The following MARCHF4 variants were observed in gnomAD, a reference collection of about 807,000 sequenced individuals.
The protein encoded by MARCHF4 is E3 ubiquitin-protein ligase MARCHF4.
A neutral mutation model predicts 43.9 loss-of-function variants in MARCHF4; 14 were observed. The observed-to-expected ratio is 0.32, with a 90% CI of 0.21 to 0.50. The LOEUF (loss-of-function observed/expected upper bound fraction) is 0.50, where lower values mean the gene tolerates loss of function less well. Ranked by LOEUF, MARCHF4 falls within the 20% of genes least tolerant of loss-of-function variation. MARCHF4 has a pLI of 0.98. For synonymous variants in MARCHF4, 226 were observed against 213.3 expected (o/e 1.06, Z -0.52); for missense variants, 468 against 536.7 (o/e 0.87, Z 1.27).
At chr2:216,285,995 G>C (rs1209518438) in intron 1 of MARCHF4, among the ~76,000 whole-genome samples, 2 of 152,166 alleles carry the variant, frequency 1.3e-5, no homozygotes, top group Admixed American at 1.3e-4. Flanking sequence ...TGCTGCCTGG[G>C]GCACAGCTGA....
intron 1 of MARCHF4, among the ~76,000 whole-genome samples, chr2:216,358,691 A>T (rs1412572765): frequency 6.6e-6 from 1 of 152,108 alleles, no homozygotes; most frequent in Non-Finnish European, 1.5e-5. Context: ...ACCTTTATTG[A>T]GGTAGAGACT....
At chr2:216,364,032 C>A (rs919201913) in intron 1 of MARCHF4, among the ~76,000 whole-genome samples, 1 of 152,096 alleles carries the variant, frequency 6.6e-6, no homozygotes, top group Non-Finnish European at 1.5e-5. Context: ...AGTCTCCAGT[C>A]CCCATAAGAT....
chr2:216,364,273 G>A (rs950186860), intron 1 of MARCHF4, among the ~76,000 whole-genome samples: 1 of 151,990 alleles, frequency 6.6e-6, no homozygotes. Flanking sequence ...GAGCTCCAGA[G>A]GTTGTCCTTT....
At chr2:216,325,644 GA>G (rs1261212297) in intron 1 of MARCHF4, among the ~76,000 whole-genome samples, 1 of 152,150 alleles carries the variant, frequency 6.6e-6, no homozygotes, top group African/African-American at 2.4e-5. Flanking sequence ...AGAGCCCTCA[GA>G]AATAACGCCA....
At position 216,277,823 on chromosome 2, in the gene MARCHF4, A is replaced by T. The variant is rs1483437353; in HGVS notation, c.714T>A (p.Val238=). 6.2e-7 allele frequency: 1 copy of T among 1,613,916 alleles called. No individual in the cohort carries two copies. Among genetic ancestry groups the T allele is most frequent in the Admixed American group, 1.7e-5 (1 of 60,028 alleles). The part of the protein sequence containing the change: ...ISLTVIEKVQ[V]AAAILGSLFL... Reference sequence around the variant, plus strand: ...AGAGGGAGCCCAGGATGGCGGCTGCAACCTGAACCTTCTCAATGACCGTCA... The same window carrying T: ...AGAGGGAGCCCAGGATGGCGGCTGCTACCTGAACCTTCTCAATGACCGTCA... Residue 238 remains valine (V), a synonymous_variant, in exon 3 of 4, where the codon GTT becomes GTA. Transcript: ENST00000273067.
intron 1 of MARCHF4, among the ~76,000 whole-genome samples, chr2:216,316,392 C>T: frequency 6.6e-6 from 1 of 152,122 alleles, no homozygotes; most frequent in East Asian, 1.9e-4. Context: ...CCCTCTTGAA[C>T]ATGTGGGAAA....
rs1692742961 is a variant in MARCHF4 at position 216,370,521 on chromosome 2, T to G, written c.-261A>C. On this transcript the variant is annotated 5_prime_UTR_variant, in exon 1 of 4. Transcript: ENST00000273067. ...TCACACACCCACCCCAACCTCCAAC[T>G]TTGTTCAGTGTGTCTCCTTTCTGCT... 5.1e-6 allele frequency: 2 copies of G among 395,182 alleles called. No individual in the cohort carries two copies. The highest frequency in any genetic ancestry group is 9.0e-6 in the Non-Finnish European group (2 of 221,418). The allele number at this position is 395,182 out of a possible 1,614,324, so 24.5% of individuals were successfully genotyped here.
At chr2:216,363,197 A>G (rs190308994) in intron 1 of MARCHF4, among the ~76,000 whole-genome samples, 2 of 152,224 alleles carry the variant, frequency 1.3e-5, no homozygotes, top group African/African-American at 2.4e-5. Context: ...AACTTTCTCA[A>G]TGGGGGCCTC....
At position 216,284,352 on chromosome 2, in the gene MARCHF4, G is replaced by C. The variant is rs1018860638; in HGVS notation, c.517-623C>G. On this transcript the variant is annotated intron_variant, in intron 1 of 3. Coordinates refer to ENST00000273067, the MANE Select transcript of MARCHF4 (RefSeq NM_020814.3). ...TCAGAGAGGCAGAGGACTCAACTGA[G>C]CAAGATGGTGTGAGGATTTGAAACT... Among the ~76,000 whole-genome samples the C allele has an allele frequency of 2.6e-5, 4 of 152,238 alleles. No homozygotes were observed. In the South Asian group the frequency reaches 8.3e-4, roughly 32 times the overall value.
rs542358833 is a variant in MARCHF4 at position 216,360,813 on chromosome 2, T to C, written c.516+8932A>G. 2.7e-4 allele frequency among the ~76,000 whole-genome samples: 41 copies of C among 152,140 alleles called. No individual in the cohort carries two copies. In the South Asian group the frequency reaches 8.3e-3, roughly 31 times the overall value. ...AGTTGTAACAAATGTTCCACCCTGG[T>C]GGGATTTTTTTTGCTTTTGTTTTGT... On this transcript the variant is annotated intron_variant, in intron 1 of 3. Coordinates refer to ENST00000273067, the MANE Select transcript of MARCHF4 (RefSeq NM_020814.3).
intron 1 of MARCHF4, among the ~76,000 whole-genome samples, chr2:216,357,296 T>A (rs561707385): frequency 3.3e-5 from 5 of 152,154 alleles, no homozygotes; most frequent in Admixed American, 3.3e-4. Context: ...TAGTTCCCCA[T>A]CATTCTGTAT....
chr2:216,356,186 T>C (rs1383924784), intron 1 of MARCHF4, among the ~76,000 whole-genome samples: 1 of 152,234 alleles, frequency 6.6e-6, no homozygotes, highest in African/African-American at 2.4e-5. Flanking sequence ...CACTGCATAA[T>C]GGCCAATGCT....
chr2:216,273,131 G>C (rs1690965138), intron 3 of MARCHF4, among the ~76,000 whole-genome samples: 2 of 152,232 alleles, frequency 1.3e-5, no homozygotes, highest in Admixed American at 6.5e-5. Flanking sequence ...GCTGCAGTTG[G>C]CTTTCGTGAA....
At chr2:216,324,959 G>A (rs1469918011) in intron 1 of MARCHF4, among the ~76,000 whole-genome samples, 3 of 151,148 alleles carry the variant, frequency 2.0e-5, no homozygotes, top group East Asian at 3.9e-4. Flanking sequence ...TGGAAGTTCT[G>A]GCCAGGGCAA....
At chr2:216,348,420 T>G (rs1472694572) in intron 1 of MARCHF4, among the ~76,000 whole-genome samples, 1 of 151,954 alleles carries the variant, frequency 6.6e-6, no homozygotes, top group Non-Finnish European at 1.5e-5. Flanking sequence ...ATAAAATAGG[T>G]GGCAGTAAAG....
At chr2:216,273,589 C>T (rs1690974417) in intron 3 of MARCHF4, among the ~76,000 whole-genome samples, 1 of 152,204 alleles carries the variant, frequency 6.6e-6, no homozygotes, top group Non-Finnish European at 1.5e-5. Context: ...GCCAGGGAGC[C>T]TTCTCTTCCT....
Position 216,285,615 on chromosome 2 carries a change from C to T in MARCHF4, c.517-1886G>A, listed in dbSNP as rs146796749. ...CCAGCCTTTGACTACAGGTAGGCAG[C>T]CACCTCCTGGAGAGGAGAAGAAGAG... On this transcript the variant is annotated intron_variant, in intron 1 of 3. Transcript: ENST00000273067. Among the ~76,000 whole-genome samples, 18 of 152,310 alleles carry T rather than the reference C, an allele frequency of 1.2e-4. 1 individual carries two copies. In the East Asian group the frequency reaches 1.3e-3, roughly 11 times the overall value.
intron 1 of MARCHF4, among the ~76,000 whole-genome samples, chr2:216,298,284 T>A (rs1409178203): frequency 1.5e-4 from 15 of 100,490 alleles, no homozygotes; most frequent in African/African-American, 7.7e-4. Flanking sequence ...TTTTTTTTTT[T>A]TACAGGGTCT....
At chr2:216,297,454 T>C (rs1691414694) in intron 1 of MARCHF4, among the ~76,000 whole-genome samples, 1 of 152,204 alleles carries the variant, frequency 6.6e-6, no homozygotes, top group Non-Finnish European at 1.5e-5. Flanking sequence ...GGGATATTTA[T>C]GGACCAGCAC....
Sources: allele counts gnomAD v4.1 joint callset (sites outside exome capture counted in the v4.1 genomes callset), GRCh38; gene constraint gnomAD v4.1.1; transcripts MANE v1.5; gene names NCBI Gene and HGNC (gene_info 2026-07-23, HGNC 2026-07-21).